ZSCAN5A: variants seen among roughly 807,000 people sequenced by gnomAD.
ZSCAN5A encodes the protein zinc finger and SCAN domain containing 5A.
ZSCAN5A carries 12 observed loss-of-function variants against 23.7 expected under a neutral mutation model. The observed-to-expected ratio is 0.51, with a 90% confidence interval of 0.32 to 0.82. The LOEUF (loss-of-function observed/expected upper bound fraction) is 0.82, where lower values mean the gene tolerates loss of function less well. Among genes scored for constraint, ZSCAN5A ranks in the 40% least tolerant of loss-of-function variants. The pLI is 0.03. For synonymous variants in ZSCAN5A, 257 were observed against 239.9 expected (o/e 1.07, Z -0.66); for missense variants, 597 against 617.9 (o/e 0.97, Z 0.36).
chr19:56,300,227 GA>G (rs528180778), intron 2 of ZSCAN5A, among the ~76,000 whole-genome samples: 11 of 150,010 alleles, frequency 7.3e-5, no homozygotes, highest in East Asian at 1.9e-4. Flanking sequence ...TGCAAAGACA[GA>G]AAAAAAAAAT....
At chr19:56,268,544 C>G (rs1394463199) in intron 2 of ZSCAN5A, among the ~76,000 whole-genome samples, 2 of 152,030 alleles carry the variant, frequency 1.3e-5, no homozygotes, top group Admixed American at 6.6e-5. Flanking sequence ...GTACTGTTTT[C>G]TTTGTTTTGT....
rs942414820 is a variant in ZSCAN5A at position 56,333,852 on chromosome 19, G to T, written c.-357-17584C>A. ...CTAGGGAGACAGGGGAAAGGAAAAA[G>T]AAAAATATATATATATATATAAGAA... On this transcript the variant is annotated intron_variant, in intron 2 of 6. Transcript: ENST00000587340. Among the ~76,000 whole-genome samples, 31 of 148,488 alleles carry T rather than the reference G, an allele frequency of 2.1e-4. No homozygotes were observed. In the East Asian group the frequency reaches 5.5e-3, roughly 26 times the overall value.
intron 2 of ZSCAN5A, among the ~76,000 whole-genome samples, chr19:56,328,372 G>A (rs1003463666): frequency 4.6e-5 from 7 of 151,990 alleles, no homozygotes; most frequent in African/African-American, 7.3e-5. Flanking sequence ...GTGGCCAGGC[G>A]CAGTGGCTCA....
intron 2 of ZSCAN5A, among the ~76,000 whole-genome samples, chr19:56,277,715 T>C (rs1262861153): frequency 1.3e-5 from 2 of 152,166 alleles, no homozygotes; most frequent in Admixed American, 6.5e-5. Context: ...AAATATCTAT[T>C]ACTGCATTAA....
intron 2 of ZSCAN5A, chr19:56,244,312 G>A: frequency 3.7e-6 from 6 of 1,609,340 alleles, no homozygotes; most frequent in Non-Finnish European, 5.1e-6. Flanking sequence ...TGGTGATGGA[G>A]CAGTTCATGA....
intron 2 of ZSCAN5A, among the ~76,000 whole-genome samples, chr19:56,306,219 G>A (rs1052357004): frequency 5.3e-5 from 8 of 152,202 alleles, no homozygotes; most frequent in Non-Finnish European, 8.8e-5. Flanking sequence ...TCCAGGGTAC[G>A]GAGAGAAAGT....
upstream of ZSCAN5A, chr19:56,316,859 CAG>C (rs2041322647): frequency 6.6e-6 from 1 of 152,376 alleles, no homozygotes; most frequent in Admixed American, 6.5e-5. Flanking sequence ...TTTATTTAGA[CAG>C]AGTCATGCTC....
chr19:56,286,269 C>T (rs2039116137), intron 2 of ZSCAN5A: 1 of 152,148 alleles, frequency 6.6e-6, no homozygotes, highest in Non-Finnish European at 1.5e-5. Flanking sequence ...ATCCTCCTGC[C>T]TCGGCCTCCC....
Position 56,322,000 on chromosome 19 carries a change from T to A in ZSCAN5A, c.-357-5732A>T. 3.8e-6 allele frequency: 3 copies of A among 779,238 alleles called. No homozygotes were observed. In the East Asian group the frequency reaches 7.3e-5, roughly 19 times the overall value. 48.3% of individuals were successfully genotyped at this position (779,238 alleles called of 1,614,324 possible). A position where few individuals can be genotyped will look rare whatever the true frequency, so the allele number is the denominator to read the frequency against. On this transcript the variant is annotated intron_variant, in intron 2 of 6. Coordinates refer to the ZSCAN5A transcript ENST00000587340. ...TAGTGCTTCTGCTGCTGGTCCCTGG[T>A]AAGTAATCATCTCTTTCTACAAGGC... is the stretch of plus-strand genomic sequence containing the variant.
intron 4 of ZSCAN5A, 74 bp from the exon 5 acceptor site, chr19:56,222,815 T>G: frequency 1.3e-6 from 2 of 1,599,634 alleles, no homozygotes; most frequent in Non-Finnish European, 1.7e-6. Context: ...TGTCCCCTTC[T>G]GATTGGATGC....
intron 2 of ZSCAN5A, among the ~76,000 whole-genome samples, chr19:56,291,452 A>G (rs996224768): frequency 6.6e-6 from 1 of 152,192 alleles, no homozygotes; most frequent in African/African-American, 2.4e-5. Context: ...AATCTGGAAG[A>G]CACTTTATTT....
At chr19:56,320,007 C>T in intron 2 of ZSCAN5A, 2 of 881,920 alleles carry the variant, frequency 2.3e-6, no homozygotes, top group Non-Finnish European at 3.9e-6. Context: ...CTCTCTAATA[C>T]ACATGGAACA....
chr19:56,334,710 G>C (rs1343292484), intron 2 of ZSCAN5A, among the ~76,000 whole-genome samples: 1 of 152,168 alleles, frequency 6.6e-6, no homozygotes, highest in African/African-American at 2.4e-5. Context: ...GAGATGACTA[G>C]GGACTGGAGA....
chr19:56,313,353 CAAGAG>C lies in ZSCAN5A; in HGVS notation c.-203_-199del, dbSNP rs1219194721. 10 of 254,482 alleles carry C rather than the reference CAAGAG, an allele frequency of 3.9e-5. No homozygotes were observed. The highest frequency in any genetic ancestry group is 4.0e-5 in the Non-Finnish European group (5 of 125,270). The allele number at this position is 254,482 out of a possible 1,614,324, so 15.8% of individuals were successfully genotyped here. Reference sequence around the variant, plus strand: ...AAGGCACGTCTCACATGGCAGCAGACAAGAGAAGAGAGCTTGAGCAGGGAACCTCC... The same window carrying C: ...AAGGCACGTCTCACATGGCAGCAGACAAGAGAGCTTGAGCAGGGAACCTCC... On this transcript the variant is annotated 5_prime_UTR_variant, in exon 2 of 6. It introduces an in-frame stop codon into an upstream open reading frame of the 5' UTR. Coordinates refer to ENST00000683990, the MANE Select transcript of ZSCAN5A (RefSeq NM_001322064.3).
At chr19:56,338,640 G>T (rs2041563847) in intron 2 of ZSCAN5A, 1 of 152,228 alleles carries the variant, frequency 6.6e-6, no homozygotes, top group African/African-American at 2.4e-5. Context: ...CATTACACTG[G>T]ATGATGATTA....
At chr19:56,275,898 C>T (rs1018741773) in intron 2 of ZSCAN5A, among the ~76,000 whole-genome samples, 3 of 152,204 alleles carry the variant, frequency 2.0e-5, no homozygotes, top group Non-Finnish European at 4.4e-5. Context: ...AACGAATGGA[C>T]TTATCGATGG....
At chr19:56,330,918 C>G (rs774235513) in intron 2 of ZSCAN5A, among the ~76,000 whole-genome samples, 37 of 152,124 alleles carry the variant, frequency 2.4e-4, no homozygotes, top group Non-Finnish European at 4.7e-4. Context: ...AGGTTTTCTT[C>G]TAGACATCTC....
At chr19:56,265,525 CACAA>C (rs1463928625) in intron 2 of ZSCAN5A, among the ~76,000 whole-genome samples, 2 of 151,728 alleles carry the variant, frequency 1.3e-5, no homozygotes, top group East Asian at 1.9e-4. Flanking sequence ...TGCCTTAGAA[CACAA>C]ACAGAGCTGA....
At chr19:56,302,733 A>G in intron 2 of ZSCAN5A, 1 of 363,666 alleles carries the variant, frequency 2.7e-6, no homozygotes, top group Non-Finnish European at 4.8e-6. Flanking sequence ...CCACCTCTAG[A>G]CTGGGATAAA....
Sources: allele counts gnomAD v4.1 joint callset (sites outside exome capture counted in the v4.1 genomes callset), GRCh38; gene constraint gnomAD v4.1.1; transcripts MANE v1.5; gene names NCBI Gene and HGNC (gene_info 2026-07-23, HGNC 2026-07-21).